Variants in PCDH9 observed in about 807,000 individuals in gnomAD.
The protein encoded by PCDH9 is protocadherin 9.
Under a neutral mutation model 70.6 loss-of-function variants are expected in PCDH9, and 24 were observed. The observed-to-expected ratio is 0.34, with a 90% confidence interval of 0.25 to 0.48. PCDH9 has a LOEUF of 0.48. Among genes scored for constraint, PCDH9 ranks in the 20% least tolerant of loss-of-function variants. The pLI is 0.99. For synonymous variants in PCDH9, 562 were observed against 558.5 expected, an observed-to-expected ratio of 1.01 and a Z score of -0.09; for missense variants, 1,281 against 1,503.6, an observed-to-expected ratio of 0.85 and a Z score of 2.45.
chr13:66,706,015 T>G (rs2078706532), intron 3 of PCDH9, among the ~76,000 whole-genome samples: 1 of 152,188 alleles, frequency 6.6e-6, no homozygotes, highest in Non-Finnish European at 1.5e-5. Context: ...AATACTTTGA[T>G]TGCGGGAGTA....
chr13:67,225,649 T>C lies in PCDH9; in HGVS notation c.2792A>G (p.Asn931Ser), dbSNP rs1400993032. 6.2e-7 allele frequency: 1 copy of C among 1,614,118 alleles called. No individual in the cohort carries two copies. The change falls in exon 2 of 5, where the codon AAC (asparagine) becomes AGC (serine). Residue 931 changes from asparagine (N) to serine (S), a missense_variant. This residue lies in a region of PCDH9 where 207 missense variants were observed against 191.8 expected (regional missense o/e 1.08). Coordinates refer to ENST00000377865, the MANE Select transcript of PCDH9 (RefSeq NM_203487.3). ...GTAGTGCTTGGCCAGGTCAGGACTG[T>C]TAGGCTTGAATGTTGTTGGAGGTGC... The part of the protein sequence containing the change: ...GPAPPTTFKP[N>S]SPDLAKHYKS...
intron 3 of PCDH9, among the ~76,000 whole-genome samples, chr13:66,643,490 C>T (rs191697557): frequency 3.3e-5 from 5 of 152,124 alleles, no homozygotes; most frequent in South Asian, 4.1e-4. Context: ...CAGCGATAAC[C>T]GCTACTTGCC....
intron 4 of PCDH9, among the ~76,000 whole-genome samples, chr13:66,617,481 T>A (rs1439940437): frequency 6.6e-6 from 1 of 152,200 alleles, no homozygotes; most frequent in South Asian, 2.1e-4. Flanking sequence ...TGTGTCTCTG[T>A]ACTACAGGAC....
chr13:66,976,257 G>A (rs1191193912), intron 2 of PCDH9, among the ~76,000 whole-genome samples: 3 of 151,974 alleles, frequency 2.0e-5, no homozygotes, highest in Non-Finnish European at 4.4e-5. Flanking sequence ...TTAAATATTG[G>A]AGGAAAAATA....
At chr13:66,378,896 A>C (rs185305737) in intron 4 of PCDH9, among the ~76,000 whole-genome samples, 83 of 152,268 alleles carry the variant, frequency 5.5e-4, no homozygotes, top group Non-Finnish European at 7.1e-4. Context: ...GTGAACCTGG[A>C]GTTTGCTGCT....
intron 4 of PCDH9, among the ~76,000 whole-genome samples, chr13:66,623,347 A>G (rs1054087213): frequency 6.6e-6 from 1 of 152,236 alleles, no homozygotes; most frequent in Non-Finnish European, 1.5e-5. Context: ...TATTCACTGA[A>G]GGATGTTTTT....
intron 3 of PCDH9, among the ~76,000 whole-genome samples, chr13:66,849,517 T>TATAGAGAGAGAGAGAGAGAGAGAGAG (rs1272589939): frequency 6.3e-5 from 4 of 63,574 alleles, no homozygotes; most frequent in African/African-American, 3.3e-4. Context: ...TATATATATA[T>TATAGAGAGAGAGAGAGAGAGAGAGAG]AGAGAGAGAG....
At position 66,736,732 on chromosome 13, in the gene PCDH9, GT is replaced by G. The variant is rs890925153; in HGVS notation, c.3139-105322del. On this transcript the variant is annotated intron_variant, in intron 3 of 4. Coordinates refer to ENST00000377865, the MANE Select transcript of PCDH9 (RefSeq NM_203487.3). Reference sequence around the variant, plus strand: ...TTTCATAATATGAATAGGTAAGTCTGTTTTTATCTTGAAGATGCTTACAAGA... The same window carrying G: ...TTTCATAATATGAATAGGTAAGTCTGTTTTATCTTGAAGATGCTTACAAGA... 1.2e-4 allele frequency among the ~76,000 whole-genome samples: 18 copies of G among 152,316 alleles called. No homozygotes were observed. In the East Asian group the frequency reaches 2.1e-3, roughly 18 times the overall value.
intron 2 of PCDH9, among the ~76,000 whole-genome samples, chr13:66,989,031 A>G (rs1004636006): frequency 1.3e-5 from 2 of 151,964 alleles, no homozygotes; most frequent in Admixed American, 1.3e-4. Context: ...TTTGGAGCAC[A>G]ACATATACAC....
intron 2 of PCDH9, among the ~76,000 whole-genome samples, chr13:66,957,505 A>T (rs1053898587): frequency 6.6e-6 from 1 of 152,224 alleles, no homozygotes; most frequent in Admixed American, 6.5e-5. Context: ...CAGCAATGTT[A>T]AATATTTTAG....
At chr13:67,142,986 GC>G (rs1240201679) in intron 2 of PCDH9, among the ~76,000 whole-genome samples, 6 of 151,848 alleles carry the variant, frequency 4.0e-5, no homozygotes, top group Non-Finnish European at 7.4e-5. Context: ...TCCAGCCTGG[GC>G]AACAGAGCTA....
chr13:66,435,691 T>C (rs1461825682), intron 4 of PCDH9, among the ~76,000 whole-genome samples: 1 of 152,214 alleles, frequency 6.6e-6, no homozygotes, highest in African/African-American at 2.4e-5. Flanking sequence ...TTGTATATAT[T>C]GACTGAGACT....
intron 4 of PCDH9, among the ~76,000 whole-genome samples, chr13:66,454,878 TACA>T (rs1326734139): frequency 5.3e-5 from 8 of 152,170 alleles, no homozygotes; most frequent in Non-Finnish European, 8.8e-5. Context: ...GTGCTGGGAT[TACA>T]GGCGTGAGCC....
intron 4 of PCDH9, among the ~76,000 whole-genome samples, chr13:66,545,831 T>TTATTTTATTC (rs548011318): frequency 1.3e-5 from 2 of 150,322 alleles, no homozygotes; most frequent in East Asian, 3.9e-4. Flanking sequence ...TTATTTTATT[T>TTATTTTATTC]TATTTATTTA....
At chr13:67,024,919 A>G (rs1306999354) in intron 2 of PCDH9, among the ~76,000 whole-genome samples, 2 of 152,146 alleles carry the variant, frequency 1.3e-5, no homozygotes, top group African/African-American at 4.8e-5. Context: ...CTAAGTCTTC[A>G]TTGTTTTAGT....
At chr13:66,640,716 T>G (rs995970923) in intron 3 of PCDH9, among the ~76,000 whole-genome samples, 1 of 152,192 alleles carries the variant, frequency 6.6e-6, no homozygotes, top group Non-Finnish European at 1.5e-5. Flanking sequence ...GTTGAAGAAG[T>G]GATCTCGGCA....
intron 2 of PCDH9, among the ~76,000 whole-genome samples, chr13:67,193,579 A>C (rs997349404): frequency 3.9e-5 from 6 of 152,198 alleles, no homozygotes; most frequent in Non-Finnish European, 7.4e-5. Flanking sequence ...AAACTCTAAA[A>C]CATGAGTTTT....
rs181962667 is a variant in PCDH9, at chr13:66,512,358, T to C, written c.3340+118852A>G. On this transcript the variant is annotated intron_variant, in intron 4 of 4. Transcript: ENST00000377865. ...ATTAACTATTGATAAATGGGTTGTG[T>C]CAATTATATATAAATGATTGTATTT... Among the ~76,000 whole-genome samples, 197 of 151,272 alleles carry C rather than the reference T, an allele frequency of 1.3e-3. 3 individuals are homozygous for C. The highest frequency in any genetic ancestry group is 3.1e-3 in the East Asian group (16 of 5,148).
chr13:67,016,988 C>A (rs558416853), intron 2 of PCDH9, among the ~76,000 whole-genome samples: 1 of 152,154 alleles, frequency 6.6e-6, no homozygotes, highest in East Asian at 1.9e-4. Flanking sequence ...GCATTTCTAG[C>A]ACTCTCAGAA....
Sources: allele counts gnomAD v4.1 joint callset (sites outside exome capture counted in the v4.1 genomes callset), GRCh38; gene constraint gnomAD v4.1.1; regional missense constraint gnomAD v4.1.1; transcripts MANE v1.5; gene names NCBI Gene and HGNC (gene_info 2026-07-23, HGNC 2026-07-21).